Variants in COL19A1 observed in about 807,000 individuals in gnomAD.
The protein encoded by COL19A1 is collagen type XIX alpha 1 chain.
In COL19A1, 159 loss-of-function variants were observed where a neutral mutation model predicts 190.2. The observed-to-expected ratio is 0.84, with a 90% CI of 0.73 to 0.95. COL19A1 has a LOEUF of 0.95. Ranked by LOEUF, COL19A1 falls within the 40% of genes least tolerant of loss-of-function variation. The pLI is 0.00. For missense variants in COL19A1, 1,418 were observed against 1,431.9 expected, an observed-to-expected ratio of 0.99 and a Z score of 0.16; for synonymous variants, 509 against 458.9, an observed-to-expected ratio of 1.11 and a Z score of -1.39.
At chr6:70,030,415 G>A (rs180740821) in intron 12 of COL19A1, among the ~76,000 whole-genome samples, 73 of 152,190 alleles carry the variant, frequency 4.8e-4, no homozygotes, top group African/African-American at 1.6e-3. Flanking sequence ...GAACTAAGAC[G>A]TCATCCTCCA....
intron 49 of COL19A1, among the ~76,000 whole-genome samples, chr6:70,201,641 C>G (rs1767562046): frequency 6.6e-6 from 1 of 152,184 alleles, no homozygotes; most frequent in South Asian, 2.1e-4. Context: ...TAGTATATGT[C>G]TCCTTAACCT....
chr6:70,171,699 A>T (rs773477473), intron 40 of COL19A1, among the ~76,000 whole-genome samples: 2 of 152,190 alleles, frequency 1.3e-5, no homozygotes, highest in Non-Finnish European at 2.9e-5. Context: ...GAGTAGAGGG[A>T]TTCATTCTGA....
At chr6:70,166,850 G>T (rs750807764) in intron 37 of COL19A1, among the ~76,000 whole-genome samples, 4 of 152,148 alleles carry the variant, frequency 2.6e-5, no homozygotes, top group African/African-American at 4.8e-5. Flanking sequence ...AAGTATTAGG[G>T]TTCAAATCCT....
chr6:69,869,392 A>G (rs1767680065), intron 1 of COL19A1, among the ~76,000 whole-genome samples: 1 of 152,218 alleles, frequency 6.6e-6, no homozygotes, highest in African/African-American at 2.4e-5. Flanking sequence ...ATTAAATTCG[A>G]TAGAAATATG....
Position 69,942,727 on chromosome 6 carries a change from T to A in COL19A1, c.936+4627T>A, listed in dbSNP as rs777911983. Reference sequence around the variant, plus strand: ...TACTCTTTTTTATGGCTTAATGTCATTCCATTGTGTGTATGTGTGTGTGTG... The same window carrying A: ...TACTCTTTTTTATGGCTTAATGTCAATCCATTGTGTGTATGTGTGTGTGTG... On this transcript the variant is annotated intron_variant, in intron 9 of 50. Coordinates refer to ENST00000620364, the MANE Select transcript of COL19A1 (RefSeq NM_001858.6). 3.0e-4 allele frequency among the ~76,000 whole-genome samples: 43 copies of A among 145,672 alleles called. 1 individual carries two copies. The highest frequency in any genetic ancestry group is 4.6e-4 in the Non-Finnish European group (31 of 66,868).
At chr6:70,125,585 A>G (rs1004508931) in intron 17 of COL19A1, among the ~76,000 whole-genome samples, 1 of 150,676 alleles carries the variant, frequency 6.6e-6, no homozygotes, top group African/African-American at 2.5e-5. Context: ...ATGGAGAAGG[A>G]AAAAAAAAGC....
chr6:70,038,158 G>A (rs1427410797), intron 14 of COL19A1, among the ~76,000 whole-genome samples: 4 of 152,260 alleles, frequency 2.6e-5, no homozygotes, highest in East Asian at 1.9e-4. Flanking sequence ...GACTAACTGC[G>A]TTATATTTGG....
intron 16 of COL19A1, among the ~76,000 whole-genome samples, chr6:70,102,914 C>T (rs1161809500): frequency 1.3e-5 from 2 of 152,130 alleles, no homozygotes; most frequent in Non-Finnish European, 2.9e-5. Flanking sequence ...ATACTATTGA[C>T]TGCTCTCTCC....
chr6:70,110,301 G>A (rs56147600), intron 16 of COL19A1, among the ~76,000 whole-genome samples: 2,333 of 152,194 alleles, frequency 0.015, 19 homozygotes, highest in Non-Finnish European at 0.022. Context: ...TAGTCATGTT[G>A]CTCAGTTTTC....
At chr6:70,039,864 G>A (rs1582753801) in intron 14 of COL19A1, among the ~76,000 whole-genome samples, 2 of 151,110 alleles carry the variant, frequency 1.3e-5, no homozygotes, top group Admixed American at 6.6e-5. Flanking sequence ...ATGGGCTTAC[G>A]TGATCCACCC....
chr6:70,137,579 T>C (rs1310796880), intron 18 of COL19A1, 106 bp from the exon 19 acceptor site: 1 of 1,018,608 alleles, frequency 9.8e-7, no homozygotes, highest in Admixed American at 2.0e-5. Flanking sequence ...TGCTAATAGA[T>C]AAATTGTATA....
At chr6:69,986,250 TATACAC>T (rs1776311331) in intron 11 of COL19A1, among the ~76,000 whole-genome samples, 1 of 116,426 alleles carries the variant, frequency 8.6e-6, no homozygotes, top group African/African-American at 3.6e-5. Context: ...TATATATATA[TATACAC>T]ACACACATAT....
At chr6:70,170,781 A>G (rs1765452353) in intron 40 of COL19A1, among the ~76,000 whole-genome samples, 1 of 152,174 alleles carries the variant, frequency 6.6e-6, no homozygotes, top group African/African-American at 2.4e-5. Flanking sequence ...ATCAGTTCAT[A>G]TGCTCACTCA....
At chr6:69,897,609 G>T (rs1683262693) in intron 2 of COL19A1, among the ~76,000 whole-genome samples, 1 of 151,844 alleles carries the variant, frequency 6.6e-6, no homozygotes, top group Admixed American at 6.6e-5. Flanking sequence ...CAGTTATTTA[G>T]GTCTTTAATT....
Position 69,964,655 on chromosome 6 carries a change from T to A in COL19A1, c.1026+1785T>A, listed in dbSNP as rs62420125. Among the ~76,000 whole-genome samples, 632 of 152,294 alleles carry A rather than the reference T, an allele frequency of 4.1e-3. 3 individuals are homozygous for A. The highest frequency in any genetic ancestry group is 7.0e-3 in the Non-Finnish European group (478 of 67,976). ...TTTCCTTGTGGTTCCACATATCTAT[T>A]AACTGTTGCATTCAAATAGTCAATT... On this transcript the variant is annotated intron_variant, in intron 11 of 50. Transcript: ENST00000620364.
chr6:70,140,357 T>G (rs1046973719), intron 19 of COL19A1, among the ~76,000 whole-genome samples: 2 of 152,128 alleles, frequency 1.3e-5, no homozygotes, highest in Non-Finnish European at 2.9e-5. Flanking sequence ...TGTATAATTT[T>G]TATTGCTGTA....
intron 6 of COL19A1, among the ~76,000 whole-genome samples, chr6:69,931,418 T>C (rs1459550548): frequency 6.6e-6 from 1 of 152,178 alleles, no homozygotes; most frequent in Non-Finnish European, 1.5e-5. Context: ...TGTAATCCTT[T>C]GAAAATTGAT....
At chr6:69,869,633 A>G (rs1333619916) in intron 1 of COL19A1, among the ~76,000 whole-genome samples, 1 of 152,256 alleles carries the variant, frequency 6.6e-6, no homozygotes, top group Non-Finnish European at 1.5e-5. Flanking sequence ...TGGATCATTG[A>G]TATAGATATA....
chr6:69,924,264 C>A (rs1695296854), intron 4 of COL19A1, among the ~76,000 whole-genome samples: 1 of 151,998 alleles, frequency 6.6e-6, no homozygotes, highest in Non-Finnish European at 1.5e-5. Context: ...CCCCCCACCC[C>A]ATGACAGGCC....
Sources: gnomAD v4.1 joint callset for allele counts (sites outside exome capture counted in the v4.1 genomes callset) on GRCh38, gnomAD v4.1.1 for gene constraint, MANE v1.5 for transcripts, NCBI Gene and HGNC (gene_info 2026-07-23, HGNC 2026-07-21) for gene names.